Variants in DOCK2 observed in about 807,000 individuals in gnomAD.
DOCK2 encodes the protein dedicator of cytokinesis protein 2.
DOCK2 carries 87 observed loss-of-function variants against 248.9 expected under a neutral mutation model. That is an observed-to-expected ratio of 0.35 (90% confidence interval 0.29 to 0.42). The LOEUF is 0.42. Ranked by LOEUF, DOCK2 falls within the 10% of genes least tolerant of loss-of-function variation. The probability of loss-of-function intolerance (pLI) is 1.00; values close to 1 mark genes in which losing one functional copy is unlikely to be tolerated. For synonymous variants in DOCK2, 805 were observed against 821.6 expected, an observed-to-expected ratio of 0.98 and a Z score of 0.35; for missense variants, 1,747 against 2,300.2, an observed-to-expected ratio of 0.76 and a Z score of 4.92.
intron 23 of DOCK2, among the ~76,000 whole-genome samples, chr5:169,754,804 A>G (rs1764102920): frequency 6.6e-6 from 1 of 152,188 alleles, no homozygotes; most frequent in African/African-American, 2.4e-5. Flanking sequence ...TAGTTTTCAC[A>G]TTGGTAAAAT....
At chr5:169,796,372 A>C (rs1398700476) in intron 25 of DOCK2, among the ~76,000 whole-genome samples, 1 of 152,144 alleles carries the variant, frequency 6.6e-6, no homozygotes, top group Non-Finnish European at 1.5e-5. Flanking sequence ...CATGAGTTTC[A>C]TGGAGGAGAG....
intron 25 of DOCK2, among the ~76,000 whole-genome samples, chr5:169,793,514 G>T (rs1055240623): frequency 5.3e-5 from 8 of 152,272 alleles, no homozygotes; most frequent in South Asian, 2.1e-4. Context: ...CTGTAAAATA[G>T]GTATAATGAT....
In DOCK2 at chr5:169,961,978, C is replaced by CAAAAAAAAAAAAAAAAAAAAAA. The variant is rs70979150; in HGVS notation, c.2800-21073_2800-21072insAAAAAAAAAAAAAAAAAAAAAA. On this transcript the variant is annotated intron_variant, in intron 27 of 51. Transcript: ENST00000520908. ...TGGGTGAAAAAGTGAGACTCTGTCC[C>CAAAAAAAAAAAAAAAAAAAAAA]AAAAAAAAAAAAAAAAATGGAGAAA... Among the ~76,000 whole-genome samples the CAAAAAAAAAAAAAAAAAAAAAA allele has an allele frequency of 1.3e-3, 100 of 74,614 alleles. 33 individuals carry two copies. The highest frequency in any genetic ancestry group is 4.2e-3 in the African/African-American group (62 of 14,774). 48.9% of individuals were successfully genotyped at this position (74,614 alleles called of 152,430 possible).
At chr5:169,739,609 C>A (rs928256091) in intron 22 of DOCK2, among the ~76,000 whole-genome samples, 2 of 152,182 alleles carry the variant, frequency 1.3e-5, no homozygotes, top group Non-Finnish European at 2.9e-5. Flanking sequence ...TACAGATTTG[C>A]AGATTTTATT....
chr5:170,030,998 C>T (rs4582295), intron 34 of DOCK2, among the ~76,000 whole-genome samples: 63,048 of 152,116 alleles, frequency 0.41, 13,910 homozygotes, highest in East Asian at 0.58. Flanking sequence ...ATGTGCTCTG[C>T]GCAGTGCACA....
chr5:170,045,716 C>T, intron 38 of DOCK2, 100 bp from the exon 39 acceptor site: 1 of 1,197,970 alleles, frequency 8.3e-7, no homozygotes, highest in South Asian at 1.2e-5. Context: ...GGTTTCCCCT[C>T]AGTCCCAGGA....
rs1315819814 is a variant in DOCK2 at position 169,883,672 on chromosome 5, G to A, written c.2799+42820G>A. The A allele has an allele frequency of 3.9e-6, 6 of 1,550,994 alleles. No individual in the cohort carries two copies. The Middle Eastern group carries it at 5.0e-4, about 130-fold the overall frequency. ...GGGGAAGGAGAGCGAGTAGGTGGGGGGAAGATGGTGCCTGGTTGCTTGAGT... is the reference window on the plus strand; with the variant it reads ...GGGGAAGGAGAGCGAGTAGGTGGGGAGAAGATGGTGCCTGGTTGCTTGAGT... On this transcript the variant is annotated intron_variant, in intron 27 of 51. Transcript: ENST00000520908.
chr5:169,939,010 TCTC>T (rs1776115144), intron 27 of DOCK2, among the ~76,000 whole-genome samples: 1 of 151,762 alleles, frequency 6.6e-6, no homozygotes. Context: ...TTCACGCCAT[TCTC>T]CTACCTTAGC....
At chr5:169,966,846 C>T (rs1039958856) in intron 27 of DOCK2, among the ~76,000 whole-genome samples, 5 of 152,226 alleles carry the variant, frequency 3.3e-5, no homozygotes, top group African/African-American at 1.2e-4. Context: ...ACTTTCCACA[C>T]AGATCAGACT....
chr5:169,833,839 C>A (rs1769390346), intron 26 of DOCK2, among the ~76,000 whole-genome samples: 1 of 152,196 alleles, frequency 6.6e-6, no homozygotes, highest in Non-Finnish European at 1.5e-5. Context: ...TTTGTGAAAT[C>A]CTAGCAGTCC....
At chr5:169,865,071 T>C (rs1771456693) in intron 27 of DOCK2, among the ~76,000 whole-genome samples, 2 of 152,224 alleles carry the variant, frequency 1.3e-5, no homozygotes, top group African/African-American at 4.8e-5. Flanking sequence ...GCATCTCAAC[T>C]TCAAGATATA....
chr5:169,889,011 C>T (rs1471504523), intron 27 of DOCK2, among the ~76,000 whole-genome samples: 1 of 152,198 alleles, frequency 6.6e-6, no homozygotes, highest in African/African-American at 2.4e-5. Flanking sequence ...CTGCTGACTT[C>T]TAGCCTCTTC....
intron 27 of DOCK2, among the ~76,000 whole-genome samples, chr5:169,951,908 T>C (rs1415396602): frequency 1.3e-5 from 2 of 152,206 alleles, no homozygotes; most frequent in Non-Finnish European, 2.9e-5. Context: ...AGCCCCAGGC[T>C]CACAAACTTC....
At chr5:169,878,138 T>C (rs1366748222) in intron 27 of DOCK2, among the ~76,000 whole-genome samples, 1 of 152,150 alleles carries the variant, frequency 6.6e-6, no homozygotes, top group African/African-American at 2.4e-5. Flanking sequence ...GCTGGAGATA[T>C]GACTGGAAAA....
At chr5:170,026,868 G>C (rs551872394) in intron 33 of DOCK2, among the ~76,000 whole-genome samples, 1 of 152,250 alleles carries the variant, frequency 6.6e-6, no homozygotes, top group East Asian at 1.9e-4. Context: ...TTGACTCTCT[G>C]AGACCTGACA....
intron 44 of DOCK2, among the ~76,000 whole-genome samples, chr5:170,065,664 A>AAG (rs1419470671): frequency 1.3e-5 from 2 of 152,196 alleles, no homozygotes; most frequent in African/African-American, 2.4e-5. Flanking sequence ...GCAGCAGGCA[A>AAG]AGAGAGAGCT....
At position 169,714,371 on chromosome 5, in the gene DOCK2, G is replaced by A. The variant is rs1224485487; in HGVS notation, c.1855G>A (p.Gly619Ser). Residue 619 changes from glycine (G) to serine (S), a missense_variant, in exon 19 of 52, where the codon GGT (glycine) becomes AGT (serine). Physicochemically the swap from Gly to Ser is moderately conservative, Grantham distance 56 (BLOSUM62 0). Coordinates refer to ENST00000520908, the MANE Select transcript of DOCK2 (RefSeq NM_004946.3). ...GGACTCTATTTTAGTGGGCTTGCTG[G>A]GTTTGCTGAAGTGGCGTATGAAGCC... The part of the protein sequence containing the change: ...TKLTQNVGLL[G>S]LLKWRMKPQL... 6.2e-7 allele frequency: 1 copy of A among 1,613,920 alleles called. No individual in the cohort carries two copies. Among genetic ancestry groups the A allele is most frequent in the South Asian group, 1.1e-5 (1 of 91,078 alleles).
At chr5:169,713,641 TCTTA>T (rs1761707922) in intron 17 of DOCK2, among the ~76,000 whole-genome samples, 1 of 152,156 alleles carries the variant, frequency 6.6e-6, no homozygotes, top group Non-Finnish European at 1.5e-5. Flanking sequence ...CCCAGCACAC[TCTTA>T]CTTAGTGCCT....
intron 25 of DOCK2, among the ~76,000 whole-genome samples, chr5:169,800,184 A>C (rs1303607134): frequency 6.6e-6 from 1 of 152,220 alleles, no homozygotes; most frequent in Non-Finnish European, 1.5e-5. Flanking sequence ...ATTTTAAGCA[A>C]AGCAGAATCA....
Sources: allele counts gnomAD v4.1 joint callset (sites outside exome capture counted in the v4.1 genomes callset), GRCh38; gene constraint gnomAD v4.1.1; transcripts MANE v1.5; gene names NCBI Gene and HGNC (gene_info 2026-07-23, HGNC 2026-07-21).